The following FAM13A variants were observed in gnomAD, a reference collection of about 807,000 sequenced individuals.
The protein encoded by FAM13A is protein FAM13A.
FAM13A carries 76 observed loss-of-function variants against 129.6 expected under a neutral mutation model. The ratio of observed to expected loss-of-function variants is 0.59; its 90% confidence interval spans 0.49 to 0.71. The LOEUF is 0.71. Ranked by LOEUF, FAM13A falls within the 30% of genes least tolerant of loss-of-function variation. FAM13A has a pLI of 0.00. For missense variants in FAM13A, 1,108 were observed against 1,249.3 expected (o/e 0.89, Z 1.70); for synonymous variants, 443 against 449.9 (o/e 0.98, Z 0.20).
chr4:88,910,803 C>T (rs1184181578), intron 5 of FAM13A, among the ~76,000 whole-genome samples: 21 of 152,212 alleles, frequency 1.4e-4, no homozygotes, highest in Non-Finnish European at 1.5e-5. Flanking sequence ...GCACGCGTCA[C>T]CATGCCCAGC....
At chr4:88,732,779 T>C (rs1327081779) in intron 21 of FAM13A, among the ~76,000 whole-genome samples, 3 of 151,998 alleles carry the variant, frequency 2.0e-5, no homozygotes, top group African/African-American at 7.3e-5. Flanking sequence ...TTCTCATGAT[T>C]GAAATAAGAA....
chr4:88,983,577 T>G (rs2869973), intron 4 of FAM13A, among the ~76,000 whole-genome samples: 105,648 of 151,986 alleles, frequency 0.7, 36,828 homozygotes, highest in Middle Eastern at 0.79. Context: ...AGATACTTGA[T>G]AATAGATTTA....
intron 5 of FAM13A, among the ~76,000 whole-genome samples, chr4:88,909,071 A>G (rs1270508935): frequency 6.6e-6 from 1 of 152,240 alleles, no homozygotes; most frequent in Admixed American, 6.5e-5. Context: ...AAATCTTTAT[A>G]AAGCCATTTA....
chr4:88,959,576 C>A (rs376542935), intron 4 of FAM13A, among the ~76,000 whole-genome samples: 7 of 152,336 alleles, frequency 4.6e-5, no homozygotes, highest in African/African-American at 1.7e-4. Flanking sequence ...TCCCGAGAAG[C>A]CCAGCTGATG....
intron 1 of FAM13A, among the ~76,000 whole-genome samples, chr4:89,037,187 C>T (rs574775501): frequency 2.6e-5 from 4 of 152,198 alleles, no homozygotes; most frequent in East Asian, 3.9e-4. Flanking sequence ...GCAATCAATG[C>T]TATCCCAGGA....
At chr4:88,952,930 A>G (rs764316052) in intron 4 of FAM13A, among the ~76,000 whole-genome samples, 8 of 152,164 alleles carry the variant, frequency 5.3e-5, no homozygotes, top group Admixed American at 1.3e-4. Flanking sequence ...CATGGGCAAC[A>G]GAGTGAGACT....
chr4:88,958,290 C>T (rs1758075281), intron 4 of FAM13A, among the ~76,000 whole-genome samples: 1 of 152,210 alleles, frequency 6.6e-6, no homozygotes, highest in South Asian at 2.1e-4. Context: ...CAGGGCCCTG[C>T]TACCCTGCAC....
At chr4:88,950,058 G>A (rs1756680392) in intron 4 of FAM13A, among the ~76,000 whole-genome samples, 1 of 152,102 alleles carries the variant, frequency 6.6e-6, no homozygotes, top group Non-Finnish European at 1.5e-5. Flanking sequence ...CATTTGGGTG[G>A]ATAAGTAATT....
At chr4:88,935,039 T>C (rs2148799949) in intron 5 of FAM13A, among the ~76,000 whole-genome samples, 1 of 152,318 alleles carries the variant, frequency 6.6e-6, no homozygotes, top group East Asian at 1.9e-4. Flanking sequence ...GAAGTCATAC[T>C]GACAAAACTT....
intron 13 of FAM13A, among the ~76,000 whole-genome samples, chr4:88,765,543 G>T (rs780218301): frequency 1.4e-4 from 22 of 152,202 alleles, no homozygotes; most frequent in Admixed American, 1.4e-3. Flanking sequence ...GGTGGTGTAA[G>T]TTTTAGGAAG....
intron 5 of FAM13A, among the ~76,000 whole-genome samples, chr4:88,926,617 A>G (rs1342773506): frequency 6.6e-6 from 1 of 152,142 alleles, no homozygotes; most frequent in Non-Finnish European, 1.5e-5. Flanking sequence ...ATGAGAAGAC[A>G]TGACTTTCTA....
intron 6 of FAM13A, among the ~76,000 whole-genome samples, chr4:88,854,595 T>A (rs1392419050): frequency 2.0e-5 from 3 of 152,200 alleles, no homozygotes; most frequent in African/African-American, 4.8e-5. Flanking sequence ...GTAAAAACTA[T>A]AAAATCCCCC....
chr4:88,795,632 C>G (rs1409233600), intron 8 of FAM13A, among the ~76,000 whole-genome samples: 2 of 151,768 alleles, frequency 1.3e-5, no homozygotes, highest in African/African-American at 4.8e-5. Context: ...TCCATTCTAT[C>G]TATGTAGTCT....
At chr4:88,995,605 T>C (rs1177577739) in intron 3 of FAM13A, among the ~76,000 whole-genome samples, 1 of 152,166 alleles carries the variant, frequency 6.6e-6, no homozygotes, top group Non-Finnish European at 1.5e-5. Flanking sequence ...CAGGGGCTCT[T>C]GGGCCTTCAG....
At chr4:88,922,997 C>G (rs1003332338) in intron 5 of FAM13A, among the ~76,000 whole-genome samples, 124 of 152,166 alleles carry the variant, frequency 8.1e-4, no homozygotes, top group Non-Finnish European at 1.2e-3. Flanking sequence ...AAGACTAAAC[C>G]AGGAAGAAGT....
At chr4:88,972,444 G>A (rs1760241724) in intron 4 of FAM13A, among the ~76,000 whole-genome samples, 1 of 151,972 alleles carries the variant, frequency 6.6e-6, no homozygotes, top group African/African-American at 2.4e-5. Flanking sequence ...TGGGACTACA[G>A]GTGCGTGCCA....
chr4:88,899,505 A>G (rs11941980), intron 6 of FAM13A, among the ~76,000 whole-genome samples: 1,686 of 152,044 alleles, frequency 0.011, 39 homozygotes, highest in African/African-American at 0.038. Flanking sequence ...AAGTAAGTAA[A>G]TAAATAAATA....
At chr4:88,822,848 C>G in intron 7 of FAM13A, 1 of 1,305,752 alleles carries the variant, frequency 7.7e-7, no homozygotes, top group Non-Finnish European at 1.0e-6. Context: ...AGGGAGGAAC[C>G]ATATGTACAA....
At chr4:88,791,074 T>C (rs971502634) in intron 8 of FAM13A, among the ~76,000 whole-genome samples, 11 of 152,124 alleles carry the variant, frequency 7.2e-5, no homozygotes, top group Non-Finnish European at 1.3e-4. Flanking sequence ...TCTAAAACTC[T>C]GCTCTCAACA....
Sources: allele counts gnomAD v4.1 joint callset (sites outside exome capture counted in the v4.1 genomes callset), GRCh38; gene constraint gnomAD v4.1.1; transcripts MANE v1.5; gene names NCBI Gene and HGNC (gene_info 2026-07-23, HGNC 2026-07-21).